Variants in YWHAE observed in about 807,000 individuals in gnomAD.
YWHAE encodes the protein 14-3-3 protein epsilon.
In YWHAE, 4 loss-of-function variants were observed where a neutral mutation model predicts 30.1. The ratio of observed to expected loss-of-function variants is 0.13; its 90% CI spans 0.07 to 0.30. YWHAE has a LOEUF of 0.30. Among genes scored for constraint, YWHAE ranks in the 10% least tolerant of loss-of-function variants. YWHAE has a pLI of 1.00. For synonymous variants in YWHAE, 118 were observed against 111.8 expected (o/e 1.06, Z -0.35); for missense variants, 121 against 315.9 (o/e 0.38, Z 4.68).
chr17:1,370,377 C>T (rs1207293138), intron 1 of YWHAE, among the ~76,000 whole-genome samples: 5 of 151,818 alleles, frequency 3.3e-5, no homozygotes, highest in African/African-American at 4.8e-5. Context: ...GTGATCCGCC[C>T]GCCTTGGCCT....
intron 1 of YWHAE, among the ~76,000 whole-genome samples, chr17:1,388,360 C>CA (rs1271244842): frequency 6.6e-6 from 1 of 151,208 alleles, no homozygotes; most frequent in Non-Finnish European, 1.5e-5. Context: ...ACTAAAAATA[C>CA]AAAAAATGAG....
chr17:1,364,843 G>A lies in YWHAE; in HGVS notation c.264+16C>T, dbSNP rs146944651. 4.5e-5 allele frequency: 73 copies of A among 1,613,890 alleles called. No homozygotes were observed. The African/African-American group carries it at 8.7e-4, about 19-fold the overall frequency. The stretch of plus-strand genomic sequence containing the variant: ...CAAACTGTGGATAAGGGGGGATGAT[G>A]GCACAACAATCTCACCATTTGCCGA... On this transcript the variant is annotated intron_variant, in intron 2 of 5. Transcript: ENST00000264335.
At chr17:1,396,063 G>A (rs2073466923) in intron 1 of YWHAE, among the ~76,000 whole-genome samples, 1 of 152,166 alleles carries the variant, frequency 6.6e-6, no homozygotes, top group African/African-American at 2.4e-5. Context: ...AGGTTGCAGT[G>A]AGCCGAGATC....
chr17:1,362,647 C>T (rs1312586578), intron 2 of YWHAE, among the ~76,000 whole-genome samples: 1 of 152,072 alleles, frequency 6.6e-6, no homozygotes, highest in Non-Finnish European at 1.5e-5. Flanking sequence ...CACACCACCT[C>T]TCAACGCACA....
At chr17:1,390,686 T>C (rs1036335499) in intron 1 of YWHAE, among the ~76,000 whole-genome samples, 2 of 152,252 alleles carry the variant, frequency 1.3e-5, no homozygotes, top group Non-Finnish European at 2.9e-5. Flanking sequence ...GATGAAATAC[T>C]GTCATAACTC....
intron 1 of YWHAE, among the ~76,000 whole-genome samples, chr17:1,377,437 G>T (rs895935918): frequency 1.3e-5 from 2 of 152,116 alleles, no homozygotes; most frequent in African/African-American, 4.8e-5. Flanking sequence ...CACAGCATCA[G>T]GCACTGACAT....
rs565147129 is a variant in YWHAE, at chr17:1,397,097, C to T, written c.64+2950G>A. Among the ~76,000 whole-genome samples, 404 of 152,052 alleles carry T rather than the reference C, an allele frequency of 2.7e-3. 1 individual carries two copies. The highest frequency in any genetic ancestry group is 5.1e-3 in the Non-Finnish European group (345 of 67,992). ...TTATTTTTGTAGAGACAGGGTTTCA[C>T]CATGTTGGCCAGGCTGGTCTTGAAC... On this transcript the variant is annotated intron_variant, in intron 1 of 5. Transcript: ENST00000264335.
chr17:1,363,909 C>T (rs1161782278), intron 2 of YWHAE, among the ~76,000 whole-genome samples: 1 of 152,126 alleles, frequency 6.6e-6, no homozygotes, highest in Admixed American at 6.6e-5. Context: ...TGTTGTGGGG[C>T]CCGTGCTGTG....
intron 4 of YWHAE, among the ~76,000 whole-genome samples, chr17:1,360,759 T>C (rs963066370): frequency 1.3e-5 from 2 of 152,084 alleles, no homozygotes; most frequent in African/African-American, 4.8e-5. Flanking sequence ...GAGTGAGACA[T>C]GGTCTCAAAT....
chr17:1,376,591 C>G (rs1178735088), intron 1 of YWHAE, among the ~76,000 whole-genome samples: 1 of 151,996 alleles, frequency 6.6e-6, no homozygotes, highest in Non-Finnish European at 1.5e-5. Flanking sequence ...ACCTCAGCCT[C>G]CTGAATACAA....
At chr17:1,345,634 T>G (rs1366611056) in intron 5 of YWHAE, 135 bp from the exon 6 acceptor site, 5 of 849,332 alleles carry the variant, frequency 5.9e-6, no homozygotes, top group African/African-American at 5.1e-5. Flanking sequence ...GCAAAGGACT[T>G]CTATCATCCT....
intron 1 of YWHAE, among the ~76,000 whole-genome samples, chr17:1,383,784 C>T (rs1411835175): frequency 6.6e-6 from 1 of 152,122 alleles, no homozygotes; most frequent in Non-Finnish European, 1.5e-5. Flanking sequence ...TAAACCTTTT[C>T]AGAAAATAGA....
chr17:1,375,748 TTG>T (rs2073112449), intron 1 of YWHAE, among the ~76,000 whole-genome samples: 1 of 152,238 alleles, frequency 6.6e-6, no homozygotes, highest in South Asian at 2.1e-4. Context: ...TGGAACCAGC[TTG>T]TGTCTGGGAC....
At chr17:1,357,277 C>T (rs1263159039) in intron 4 of YWHAE, among the ~76,000 whole-genome samples, 1 of 151,936 alleles carries the variant, frequency 6.6e-6, no homozygotes, top group Non-Finnish European at 1.5e-5. Context: ...GTGGCGGGCG[C>T]CTGTAGTCCC....
intron 4 of YWHAE, among the ~76,000 whole-genome samples, chr17:1,356,387 C>T (rs538188553): frequency 6.6e-6 from 1 of 152,094 alleles, no homozygotes; most frequent in Non-Finnish European, 1.5e-5. Context: ...GAATGAAGTG[C>T]TATTCCAAAT....
intron 1 of YWHAE, among the ~76,000 whole-genome samples, chr17:1,397,223 T>C (rs1008671982): frequency 7.9e-5 from 12 of 152,202 alleles, no homozygotes; most frequent in Admixed American, 2.6e-4. Flanking sequence ...TCTTGTACTA[T>C]TTCATATACG....
chr17:1,382,442 C>G (rs773431237), intron 1 of YWHAE, among the ~76,000 whole-genome samples: 26 of 150,890 alleles, frequency 1.7e-4, no homozygotes, highest in African/African-American at 6.3e-4. Flanking sequence ...CGGCAAGCTC[C>G]GCCTCCCGGG....
intron 3 of YWHAE, 49 bp from the exon 4 acceptor site, chr17:1,361,347 C>G (rs766291940): frequency 1.6e-5 from 24 of 1,459,618 alleles, no homozygotes; most frequent in Non-Finnish European, 1.3e-5. Context: ...AAACTAGGAA[C>G]GATTTTTAAA....
Position 1,348,470 on chromosome 17 carries a change from G to A in YWHAE, c.716-2971C>T, listed in dbSNP as rs568589399. On this transcript the variant is annotated intron_variant, in intron 5 of 5. Transcript: ENST00000264335. ...TCTAAAATTAAAAGACATAAATACC[G>A]TCTCTTTAAAAAACAAAAAAATCTA... Among the ~76,000 whole-genome samples the A allele has an allele frequency of 3.4e-4, 51 of 152,192 alleles. No individual in the cohort carries two copies. The East Asian group carries it at 7.9e-3, about 24-fold the overall frequency.
Sources: gnomAD v4.1 joint callset for allele counts (sites outside exome capture counted in the v4.1 genomes callset) on GRCh38, gnomAD v4.1.1 for gene constraint, MANE v1.5 for transcripts, NCBI Gene and HGNC (gene_info 2026-07-23, HGNC 2026-07-21) for gene names.